Variants in IST1 observed in about 807,000 individuals in gnomAD.
IST1 encodes IST1 homolog.
Under a neutral mutation model 37.0 loss-of-function variants are expected in IST1, and 23 were observed. That is an observed-to-expected ratio of 0.62 (90% CI 0.45 to 0.88). IST1 has a LOEUF of 0.88. IST1 is among the 40% of genes least tolerant of loss of function. The pLI is 0.00. For missense variants in IST1, 488 were observed against 445.4 expected (o/e 1.10, Z -0.86); for synonymous variants, 180 against 161.7 (o/e 1.11, Z -0.86).
Position 71,930,362 on chromosome 16 carries a change from A to C in IST1, c.*2549A>C. On this transcript the variant is annotated 3_prime_UTR_variant, in exon 10 of 10. Coordinates refer to ENST00000378799, the MANE Select transcript of IST1 (RefSeq NM_001270975.2). ...CTTTTAAATGGACAGAAGAGCAGGA[A>C]TGACTCATTTTAAGGAGGTTAAGAT... 1.9e-6 allele frequency: 1 copy of C among 530,916 alleles called. No individual in the cohort carries two copies. Among genetic ancestry groups the C allele is most frequent in the East Asian group, 3.3e-5 (1 of 30,490 alleles). 32.9% of individuals were successfully genotyped at this position (530,916 alleles called of 1,614,324 possible).
intron 8 of IST1, 89 bp from the exon 9 acceptor site, chr16:71,924,680 C>T (rs1011805222): frequency 1.0e-6 from 1 of 1,001,596 alleles, no homozygotes; most frequent in Non-Finnish European, 1.6e-6. Flanking sequence ...TGGTGAGCAA[C>T]TTAACTTTTG....
At chr16:71,906,303 TTTTTG>T (rs572120422) in intron 1 of IST1, among the ~76,000 whole-genome samples, 2 of 150,540 alleles carry the variant, frequency 1.3e-5, no homozygotes, top group African/African-American at 2.5e-5. Context: ...GCGCCCGGCC[TTTTTG>T]TTTTGTTTTG....
intron 3 of IST1, among the ~76,000 whole-genome samples, 174 bp from the exon 4 acceptor site, chr16:71,916,873 G>C (rs1395592804): frequency 1.3e-5 from 2 of 152,230 alleles, no homozygotes; most frequent in East Asian, 3.9e-4. Context: ...GCCTAGTTTT[G>C]AGTTCCTCCA....
chr16:71,914,495 C>T (rs925097674), intron 1 of IST1, among the ~76,000 whole-genome samples: 1 of 152,126 alleles, frequency 6.6e-6, no homozygotes, highest in Non-Finnish European at 1.5e-5. Flanking sequence ...TTATCTCCAT[C>T]AAGCCAATGT....
chr16:71,926,948 CA>C (rs2037758605), intron 9 of IST1, among the ~76,000 whole-genome samples: 1 of 152,010 alleles, frequency 6.6e-6, no homozygotes, highest in Non-Finnish European at 1.5e-5. Flanking sequence ...ACTTTGCCCC[CA>C]ATCCCTAAAG....
chr16:71,924,638 G>A, intron 8 of IST1, 131 bp from the exon 9 acceptor site: 1 of 714,306 alleles, frequency 1.4e-6, no homozygotes, highest in Non-Finnish European at 2.5e-6. Context: ...AAAATGCAGG[G>A]GCAGTTTCTT....
At chr16:71,925,898 A>ACT in intron 9 of IST1, among the ~76,000 whole-genome samples, 1 of 152,246 alleles carries the variant, frequency 6.6e-6, no homozygotes, top group East Asian at 1.9e-4. Context: ...TGATCATTGT[A>ACT]CTCCAGCCTG....
intron 1 of IST1, among the ~76,000 whole-genome samples, chr16:71,905,107 C>G: frequency 6.6e-6 from 1 of 151,968 alleles, no homozygotes; most frequent in East Asian, 1.9e-4. Context: ...GTGGTCTCAG[C>G]TCACTGCAGC....
At chr16:71,923,173 TTATA>T (rs894517027) in intron 7 of IST1, 111 bp from the exon 8 acceptor site, 2 of 538,620 alleles carry the variant, frequency 3.7e-6, no homozygotes, top group Non-Finnish European at 6.5e-6. Context: ...TCTTGAATAT[TTATA>T]TATATTTAGT....
chr16:71,897,275 C>G (rs978339676), intron 1 of IST1, among the ~76,000 whole-genome samples: 11 of 150,338 alleles, frequency 7.3e-5, no homozygotes, highest in African/African-American at 2.7e-4. Context: ...TCCCAAAATG[C>G]TGGGATTAGA....
Position 71,927,843 on chromosome 16 carries a change from T to C in IST1, c.*30T>C. 1 of 1,546,168 alleles carries C rather than the reference T, an allele frequency of 6.5e-7. No homozygotes were observed. The highest frequency in any genetic ancestry group is 1.4e-5 in the African/African-American group (1 of 73,640). ...CTTAAACCAGGCAACTTTCACGTTTTGGGAGTTGAGACTGAGCAATTTCTC... is the reference window on the plus strand; with the variant it reads ...CTTAAACCAGGCAACTTTCACGTTTCGGGAGTTGAGACTGAGCAATTTCTC... On this transcript the variant is annotated 3_prime_UTR_variant, in exon 10 of 10. Transcript: ENST00000378799.
At position 71,918,866 on chromosome 16, in the gene IST1, G is replaced by C. The variant is rs972218661; in HGVS notation, c.357+1732G>C. ...ACCAGCCAAAACAAAAACCATAAAAGACAAATGCCATTTATATCATAGGTG... is the reference window on the plus strand; with the variant it reads ...ACCAGCCAAAACAAAAACCATAAAACACAAATGCCATTTATATCATAGGTG... On this transcript the variant is annotated intron_variant, in intron 4 of 9. Coordinates refer to ENST00000378799, the MANE Select transcript of IST1 (RefSeq NM_001270975.2). Among the ~76,000 whole-genome samples, 11 of 152,078 alleles carry C rather than the reference G, an allele frequency of 7.2e-5. No individual in the cohort carries two copies. In the East Asian group the frequency reaches 2.1e-3, roughly 29 times the overall value.
chr16:71,927,981 T>C lies in IST1; in HGVS notation c.*168T>C, dbSNP rs1298611916. The C allele has an allele frequency of 1.8e-5, 11 of 602,288 alleles. No individual in the cohort carries two copies. Among genetic ancestry groups the C allele is most frequent in the Non-Finnish European group, 3.2e-5 (11 of 339,006 alleles). 37.3% of individuals were successfully genotyped at this position (602,288 alleles called of 1,614,324 possible). On this transcript the variant is annotated 3_prime_UTR_variant, in exon 10 of 10. Coordinates refer to ENST00000378799, the MANE Select transcript of IST1 (RefSeq NM_001270975.2). Reference sequence around the variant, plus strand: ...TCCAGATTCTGCTGCTTTCCAGTTCTCTGTTGATCCTGAGACTAACAATTG... The same window carrying C: ...TCCAGATTCTGCTGCTTTCCAGTTCCCTGTTGATCCTGAGACTAACAATTG...
At chr16:71,917,545 A>AT (rs766117472) in intron 4 of IST1, among the ~76,000 whole-genome samples, 3 of 152,242 alleles carry the variant, frequency 2.0e-5, no homozygotes, top group African/African-American at 4.8e-5. Context: ...GGTGAACAAA[A>AT]TATGGCACCA....
rs556820495 is a variant in IST1, at chr16:71,925,158, G to A, written c.901+341G>A. Among the ~76,000 whole-genome samples the A allele has an allele frequency of 6.6e-4, 98 of 149,346 alleles. 2 individuals carry two copies. Among genetic ancestry groups the A allele is most frequent in the African/African-American group, 4.9e-4 (20 of 40,458 alleles). The stretch of plus-strand genomic sequence containing the variant: ...CTCCTGAGTAGCTGGGACTACAGGC[G>A]CCCGCCACCATGCCTGGCTAATTTT... On this transcript the variant is annotated intron_variant, in intron 9 of 9. Transcript: ENST00000378799.
intron 1 of IST1, among the ~76,000 whole-genome samples, chr16:71,914,712 A>T (rs1246744260): frequency 1.3e-5 from 2 of 152,222 alleles, no homozygotes; most frequent in African/African-American, 4.8e-5. Context: ...ATTCACTAGT[A>T]GACAAGTACT....
rs906504407 is a variant in IST1, at chr16:71,931,090, C to G, written c.*3277C>G. The G allele has an allele frequency of 2.0e-5, 3 of 152,150 alleles. No homozygotes were observed. The highest frequency in any genetic ancestry group is 4.1e-4 in the South Asian group (2 of 4,820). 9.4% of individuals were successfully genotyped at this position (152,150 alleles called of 1,614,324 possible). On this transcript the variant is annotated 3_prime_UTR_variant, in exon 10 of 10. Coordinates refer to ENST00000378799, the MANE Select transcript of IST1 (RefSeq NM_001270975.2). ...TTTTACTGTTTATTTTTTGTTTGCT[C>G]TATTTGTTTTTTAATGTTTTTTACT...
At chr16:71,915,273 A>G (rs1161695540) in intron 1 of IST1, among the ~76,000 whole-genome samples, 1 of 152,056 alleles carries the variant, frequency 6.6e-6, no homozygotes, top group African/African-American at 2.4e-5. Flanking sequence ...CCCCATGCCA[A>G]TATCTAGGTA....
In IST1 at chr16:71,915,626, G is replaced by A. The variant is rs762597241; in HGVS notation, c.-15G>A. 10 of 1,596,402 alleles carry A rather than the reference G, an allele frequency of 6.3e-6. No individual in the cohort carries two copies. The South Asian group carries it at 1.1e-4, about 18-fold the overall frequency. ...GTCATTGTGCTTCTTCTGTTTCTAGGAGGAACAGCACAGCATGCTGGGCTC... is the reference window on the plus strand; with the variant it reads ...GTCATTGTGCTTCTTCTGTTTCTAGAAGGAACAGCACAGCATGCTGGGCTC... On this transcript the variant is annotated splice_region_variant and 5_prime_UTR_variant, in exon 2 of 10. Transcript: ENST00000378799.
Sources: allele counts gnomAD v4.1 joint callset (sites outside exome capture counted in the v4.1 genomes callset), GRCh38; gene constraint gnomAD v4.1.1; transcripts MANE v1.5; gene names NCBI Gene and HGNC (gene_info 2026-07-23, HGNC 2026-07-21).